The following WWOX variants were observed in gnomAD, a reference collection of about 807,000 sequenced individuals.
WWOX encodes the protein WW domain-containing oxidoreductase.
Under a neutral mutation model 46.2 loss-of-function variants are expected in WWOX, and 69 were observed. That is an observed-to-expected ratio of 1.49 (90% CI 1.23 to 1.82). The LOEUF (loss-of-function observed/expected upper bound fraction) is 1.82. Ranked by LOEUF, WWOX falls within the 40% of genes most tolerant of loss-of-function variation. The probability of loss-of-function intolerance (pLI) is 0.00; values close to 1 mark genes in which losing one functional copy is unlikely to be tolerated. For missense variants in WWOX, 919 were observed against 542.6 expected, an observed-to-expected ratio of 1.69 and a Z score of -6.89; for synonymous variants, 359 against 202.6, an observed-to-expected ratio of 1.77 and a Z score of -6.56.
intron 5 of WWOX, among the ~76,000 whole-genome samples, chr16:78,177,252 T>A (rs947777692): frequency 1.3e-5 from 2 of 152,248 alleles, no homozygotes; most frequent in African/African-American, 4.8e-5. Flanking sequence ...CAAGCTATTT[T>A]AAAAATTGGC....
At chr16:79,107,880 A>G (rs1261582773) in intron 8 of WWOX, among the ~76,000 whole-genome samples, 1 of 152,256 alleles carries the variant, frequency 6.6e-6, no homozygotes, top group African/African-American at 2.4e-5. Flanking sequence ...CTACAGTTAT[A>G]GGATGAAGTG....
intron 8 of WWOX, among the ~76,000 whole-genome samples, chr16:78,763,877 G>C (rs191908163): frequency 3.9e-5 from 6 of 152,146 alleles, no homozygotes; most frequent in East Asian, 1.9e-4. Context: ...TGGGGAGTCT[G>C]TATGCAATTG....
chr16:78,329,011 A>G (rs947081825), intron 5 of WWOX, among the ~76,000 whole-genome samples: 22 of 151,816 alleles, frequency 1.4e-4, no homozygotes, highest in Admixed American at 6.6e-5. Context: ...ACAGGCTCCC[A>G]TCACCATGAC....
chr16:78,171,169 C>T (rs7201414), intron 5 of WWOX, among the ~76,000 whole-genome samples: 21,675 of 152,126 alleles, frequency 0.14, 1,857 homozygotes, highest in East Asian at 0.22. Context: ...ATACTGACAC[C>T]TGTGTTTTCA....
In WWOX at chr16:79,212,539, G is replaced by C. The variant is rs375637168; in HGVS notation, c.*743G>C. ...AATACACAGGATATTTTGGGGGGCA[G>C]AGAATAAAACGTTAGTTAATCCCTT... On this transcript the variant is annotated 3_prime_UTR_variant, in exon 9 of 9. Transcript: ENST00000566780. The C allele has an allele frequency of 5.8e-6, 1 of 172,068 alleles. No homozygotes were observed. The highest frequency in any genetic ancestry group is 2.4e-5 in the African/African-American group (1 of 41,954). 10.7% of individuals were successfully genotyped at this position (172,068 alleles called of 1,614,324 possible).
At chr16:79,198,056 G>A (rs1285789448) in intron 8 of WWOX, among the ~76,000 whole-genome samples, 1 of 152,124 alleles carries the variant, frequency 6.6e-6, no homozygotes, top group Non-Finnish European at 1.5e-5. Flanking sequence ...TGGGCATGGT[G>A]GCTCATGCCT....
chr16:79,062,186 G>T (rs557320503), intron 8 of WWOX, among the ~76,000 whole-genome samples: 67 of 152,340 alleles, frequency 4.4e-4, no homozygotes, highest in Admixed American at 3.9e-3. Flanking sequence ...TGGGGAGACT[G>T]GGGAGAGGGA....
At chr16:78,430,033 G>A (rs568163989) in intron 7 of WWOX, among the ~76,000 whole-genome samples, 2 of 152,098 alleles carry the variant, frequency 1.3e-5, no homozygotes, top group African/African-American at 2.4e-5. Context: ...AGACATACCC[G>A]AGACCGGGTA....
At chr16:79,016,451 C>G (rs1315409049) in intron 8 of WWOX, 1 of 152,280 alleles carries the variant, frequency 6.6e-6, no homozygotes, top group African/African-American at 2.4e-5. Context: ...GAGACAGAGT[C>G]TCGCTCCGTC....
intron 5 of WWOX, among the ~76,000 whole-genome samples, chr16:78,329,366 G>T (rs2080706084): frequency 6.6e-6 from 1 of 152,078 alleles, no homozygotes; most frequent in Admixed American, 6.6e-5. Context: ...CAAAAAACGT[G>T]GTTTGTTTCT....
At chr16:78,548,080 A>T (rs760652988) in intron 8 of WWOX, among the ~76,000 whole-genome samples, 2 of 148,714 alleles carry the variant, frequency 1.3e-5, no homozygotes, top group Non-Finnish European at 3.0e-5. Flanking sequence ...ACTTGAACCC[A>T]GGAGGTGGAG....
At chr16:78,861,314 A>G (rs2043880695) in intron 8 of WWOX, among the ~76,000 whole-genome samples, 2 of 152,194 alleles carry the variant, frequency 1.3e-5, no homozygotes, top group Admixed American at 1.3e-4. Flanking sequence ...CCATCCACCT[A>G]TCCACCTATT....
At position 78,427,078 on chromosome 16, in the gene WWOX, G is replaced by T. The variant is rs74894642; in HGVS notation, c.791+2023G>T. 4.6e-5 allele frequency among the ~76,000 whole-genome samples: 7 copies of T among 152,282 alleles called. No individual in the cohort carries two copies. In the East Asian group the frequency reaches 9.7e-4, roughly 21 times the overall value. On this transcript the variant is annotated intron_variant, in intron 7 of 8. Transcript: ENST00000566780. ...ATGAGTGAGCGTGGTGACTTGGTGCGTAGGTGGTACGTGAAGACAGTTGCT... is the reference window on the plus strand; with the variant it reads ...ATGAGTGAGCGTGGTGACTTGGTGCTTAGGTGGTACGTGAAGACAGTTGCT...
rs568256627 is a variant in WWOX at position 78,963,969 on chromosome 16, T to G, written c.1057-247639T>G. Among the ~76,000 whole-genome samples the G allele has an allele frequency of 8.5e-5, 13 of 152,224 alleles. 1 individual carries two copies. Among genetic ancestry groups the G allele is most frequent in the Admixed American group, 8.5e-4 (13 of 15,294 alleles). On this transcript the variant is annotated intron_variant, in intron 8 of 8. Transcript: ENST00000566780. ...GAATTTATCAGGGGTTTCTGCAGTT[T>G]TTCTCTTGCCACCACCATGTAAGAA...
At chr16:78,699,809 C>T (rs2048174438) in intron 8 of WWOX, among the ~76,000 whole-genome samples, 1 of 152,098 alleles carries the variant, frequency 6.6e-6, no homozygotes, top group Non-Finnish European at 1.5e-5. Context: ...GGAATTTATG[C>T]ATTCTTGTTA....
chr16:78,870,583 C>T (rs1475473314), intron 8 of WWOX, among the ~76,000 whole-genome samples: 7 of 151,976 alleles, frequency 4.6e-5, no homozygotes, highest in African/African-American at 1.7e-4. Context: ...TCTCTTCTCA[C>T]CCCTACCAAT....
intron 8 of WWOX, chr16:79,204,655 G>C (rs554940979): frequency 2.6e-5 from 4 of 152,316 alleles, no homozygotes; most frequent in African/African-American, 9.6e-5. Context: ...CACAGGCCCT[G>C]AGAGCGTACC....
At chr16:79,192,825 G>A (rs73584744) in intron 8 of WWOX, among the ~76,000 whole-genome samples, 33,333 of 152,182 alleles carry the variant, frequency 0.22, 3,741 homozygotes, top group Middle Eastern at 0.3. Flanking sequence ...TCATTCACCA[G>A]CTGTGCATCC....
intron 5 of WWOX, among the ~76,000 whole-genome samples, chr16:78,359,555 G>A (rs2081365661): frequency 6.6e-6 from 1 of 152,084 alleles, no homozygotes; most frequent in Non-Finnish European, 1.5e-5. Context: ...CTTAAAATGA[G>A]TTAGAATATG....
Sources: gnomAD v4.1 joint callset for allele counts (sites outside exome capture counted in the v4.1 genomes callset) on GRCh38, gnomAD v4.1.1 for gene constraint, MANE v1.5 for transcripts, NCBI Gene and HGNC (gene_info 2026-07-23, HGNC 2026-07-21) for gene names.